The following ARHGAP44 variants were observed in gnomAD, a reference collection of about 807,000 sequenced individuals.
ARHGAP44 encodes rho GTPase-activating protein 44.
A neutral mutation model predicts 106.8 loss-of-function variants in ARHGAP44; 43 were observed. The ratio of observed to expected loss-of-function variants is 0.40; its 90% CI spans 0.32 to 0.52. ARHGAP44 has a LOEUF of 0.52. Among genes scored for constraint, ARHGAP44 ranks in the 20% least tolerant of loss-of-function variants. The probability of loss-of-function intolerance (pLI) is 0.48; values close to 1 mark genes in which losing one functional copy is unlikely to be tolerated. For synonymous variants in ARHGAP44, 439 were observed against 410.3 expected, an observed-to-expected ratio of 1.07 and a Z score of -0.85; for missense variants, 866 against 1,050.5, an observed-to-expected ratio of 0.82 and a Z score of 2.43.
At chr17:12,855,715 G>A (rs544221365) in intron 1 of ARHGAP44, among the ~76,000 whole-genome samples, 33 of 152,216 alleles carry the variant, frequency 2.2e-4, no homozygotes, top group Admixed American at 4.6e-4. Flanking sequence ...GTCTAAAATT[G>A]AGTGTCTGTC....
chr17:12,952,580 C>T lies in ARHGAP44; in HGVS notation c.1135C>T (p.Arg379Ter). ...KLPKANHNNI[R>*]YLIKFLSKLS... ...GCCCAAGGCCAATCACAACAACATC[C>T]GGTAAGTGGATACTTACCAAGTATA... Residue 379 changes from arginine to a stop codon, truncating the protein, a stop_gained and splice_region_variant, in exon 13 of 21, where the codon CGA (arginine) becomes TGA (stop). Transcript: ENST00000379672. LOFTEE classifies it high-confidence loss of function. 2.6e-6 allele frequency: 4 copies of T among 1,563,296 alleles called. No homozygotes were observed. The highest frequency in any genetic ancestry group is 3.5e-6 in the Non-Finnish European group (4 of 1,152,796).
chr17:12,880,596 T>G (rs375535166), intron 1 of ARHGAP44, among the ~76,000 whole-genome samples: 1 of 152,050 alleles, frequency 6.6e-6, no homozygotes, highest in Non-Finnish European at 1.5e-5. Context: ...TACCATATAA[T>G]ATGACATTAT....
At chr17:12,967,325 G>T (rs372148692) in intron 16 of ARHGAP44, among the ~76,000 whole-genome samples, 1 of 143,646 alleles carries the variant, frequency 7.0e-6, no homozygotes, top group African/African-American at 2.6e-5. Context: ...AAACTCCTGG[G>T]CTCAATGATC....
chr17:12,796,763 A>AT (rs962291701), intron 1 of ARHGAP44, among the ~76,000 whole-genome samples: 227 of 139,560 alleles, frequency 1.6e-3, no homozygotes, highest in Middle Eastern at 3.7e-3. Flanking sequence ...CACCTGGCTA[A>AT]TTTTTTTTTT....
chr17:12,835,875 T>C (rs2035222906), intron 1 of ARHGAP44, among the ~76,000 whole-genome samples: 1 of 152,222 alleles, frequency 6.6e-6, no homozygotes, highest in Non-Finnish European at 1.5e-5. Flanking sequence ...AGTTACCCCA[T>C]ATAGTTGGAA....
At chr17:12,896,730 C>T (rs1296151660) in intron 3 of ARHGAP44, among the ~76,000 whole-genome samples, 1 of 152,254 alleles carries the variant, frequency 6.6e-6, no homozygotes, top group Non-Finnish European at 1.5e-5. Context: ...CCGCCCTCCA[C>T]AGGCAAGTTG....
chr17:12,865,239 TAGA>T (rs575501457), intron 1 of ARHGAP44, among the ~76,000 whole-genome samples: 79 of 152,258 alleles, frequency 5.2e-4, no homozygotes, highest in African/African-American at 1.6e-3. Context: ...CCCTAGAAAG[TAGA>T]AGAAGACAAT....
At chr17:12,886,626 TA>T (rs1167567864) in intron 1 of ARHGAP44, among the ~76,000 whole-genome samples, 1 of 152,216 alleles carries the variant, frequency 6.6e-6, no homozygotes, top group East Asian at 1.9e-4. Context: ...ATGTACAATT[TA>T]TTTTTGTATG....
chr17:12,875,458 G>A (rs563009723), intron 1 of ARHGAP44, among the ~76,000 whole-genome samples: 1 of 152,200 alleles, frequency 6.6e-6, no homozygotes, highest in African/African-American at 2.4e-5. Context: ...GCCAGGTGTG[G>A]TGGTACGTGC....
chr17:12,822,773 A>G (rs910083527), intron 1 of ARHGAP44, among the ~76,000 whole-genome samples: 2 of 152,062 alleles, frequency 1.3e-5, no homozygotes, highest in African/African-American at 2.4e-5. Context: ...CCCCTTCCCA[A>G]TGCACATGTC....
At chr17:12,900,133 T>G (rs1204470606) in intron 3 of ARHGAP44, among the ~76,000 whole-genome samples, 2 of 151,086 alleles carry the variant, frequency 1.3e-5, no homozygotes, top group African/African-American at 2.5e-5. Context: ...TTTATTTTTA[T>G]TTTTATTTTT....
chr17:12,907,344 GT>G (rs1208369197), intron 3 of ARHGAP44, among the ~76,000 whole-genome samples: 1 of 152,128 alleles, frequency 6.6e-6, no homozygotes, highest in East Asian at 1.9e-4. Context: ...CTCCCTCCCT[GT>G]AACATAAAAT....
chr17:12,965,637 A>G (rs1030827154), intron 16 of ARHGAP44, among the ~76,000 whole-genome samples: 8 of 152,232 alleles, frequency 5.3e-5, no homozygotes, highest in Non-Finnish European at 1.5e-5. Context: ...CACATGATCA[A>G]CACATTGAAA....
rs79535831 is a variant in ARHGAP44, at chr17:12,889,126, T to C, written c.54-5814T>C. On this transcript the variant is annotated intron_variant, in intron 1 of 20. Transcript: ENST00000379672. ...CCATTTTTGTTTATTTTTTGTTTTCTGTTCTTTCTGTTTTTCATTGCTTGT... is the reference window on the plus strand; with the variant it reads ...CCATTTTTGTTTATTTTTTGTTTTCCGTTCTTTCTGTTTTTCATTGCTTGT... 2.6e-3 allele frequency among the ~76,000 whole-genome samples: 397 copies of C among 152,358 alleles called. 10 individuals carry two copies. The East Asian group carries it at 0.044, about 17-fold the overall frequency.
intron 16 of ARHGAP44, among the ~76,000 whole-genome samples, chr17:12,960,130 A>G (rs1221959948): frequency 6.6e-6 from 1 of 152,086 alleles, no homozygotes; most frequent in South Asian, 2.1e-4. Context: ...ATCAGAGACA[A>G]TTTGTATGTG....
In ARHGAP44 at chr17:12,978,280, A is replaced by G. The variant is rs192738780; in HGVS notation, c.1764-1778A>G. The stretch of plus-strand genomic sequence containing the variant: ...TGGCATTGATGCCCGGGTACCTGGT[A>G]ACCTGCAGCCTGAGGTCCTTGTCCA... On this transcript the variant is annotated intron_variant, in intron 18 of 20. Transcript: ENST00000379672. Among the ~76,000 whole-genome samples, 8 of 152,334 alleles carry G rather than the reference A, an allele frequency of 5.3e-5. No homozygotes were observed. The East Asian group carries it at 1.5e-3, about 29-fold the overall frequency.
intron 1 of ARHGAP44, among the ~76,000 whole-genome samples, chr17:12,894,269 T>C: frequency 6.7e-6 from 1 of 150,368 alleles, no homozygotes; most frequent in Non-Finnish European, 1.5e-5. Context: ...TGCACGTGCG[T>C]GCGTGTTGTC....
At chr17:12,931,355 T>A (rs4792302) in intron 7 of ARHGAP44, among the ~76,000 whole-genome samples, 110,287 of 152,022 alleles carry the variant, frequency 0.73, 40,405 homozygotes, top group African/African-American at 0.81. Context: ...TACAGGTGTG[T>A]GCTACCACGC....
At chr17:12,973,232 G>A in intron 16 of ARHGAP44, 70 bp from the exon 17 acceptor site, 3 of 1,531,102 alleles carry the variant, frequency 2.0e-6, no homozygotes, top group Non-Finnish European at 1.8e-6. Context: ...CTTACAGAAA[G>A]ACAACCTTTA....
Sources: gnomAD v4.1 joint callset for allele counts (sites outside exome capture counted in the v4.1 genomes callset) on GRCh38, gnomAD v4.1.1 for gene constraint, MANE v1.5 for transcripts, NCBI Gene and HGNC (gene_info 2026-07-23, HGNC 2026-07-21) for gene names.